The following MYO16 variants were observed in gnomAD, a reference collection of about 807,000 sequenced individuals.
The protein encoded by MYO16 is myosin XVI.
Under a neutral mutation model 205.3 loss-of-function variants are expected in MYO16, and 94 were observed. The observed-to-expected ratio is 0.46, with a 90% CI of 0.39 to 0.54. The LOEUF (loss-of-function observed/expected upper bound fraction) is 0.54, where lower values mean the gene tolerates loss of function less well. Among genes scored for constraint, MYO16 ranks in the 20% least tolerant of loss-of-function variants. The pLI, the probability that MYO16 is intolerant of heterozygous loss-of-function variation, is 0.00. For synonymous variants in MYO16, 988 were observed against 954.0 expected, an observed-to-expected ratio of 1.04 and a Z score of -0.66; for missense variants, 2,315 against 2,387.5, an observed-to-expected ratio of 0.97 and a Z score of 0.63.
the MYO16 span, among the ~76,000 whole-genome samples, chr13:108,516,247 G>C: frequency 6.6e-6 from 1 of 151,502 alleles, no homozygotes; most frequent in African/African-American, 2.4e-5. Context: ...TTCCAGGCGC[G>C]TCCGTCACCC....
chr13:108,544,835 A>C, the MYO16 span, among the ~76,000 whole-genome samples: 2 of 152,162 alleles, frequency 1.3e-5, no homozygotes, highest in African/African-American at 2.4e-5. Flanking sequence ...CACAGTTAAG[A>C]GAGAACATGC....
chr13:108,606,173 G>A lies in MYO16; in HGVS notation c.-39+9934G>A, dbSNP rs149336148. On this transcript the variant is annotated intron_variant, in intron 1 of 24. Transcript: ENST00000251041. ...AAGTTTGGAAAATTTGCAGCCTAAT[G>A]TTGTGATAGAAAAGAAAAATCAATT... Among the ~76,000 whole-genome samples, 380 of 152,318 alleles carry A rather than the reference G, an allele frequency of 2.5e-3. 1 individual carries two copies. Among genetic ancestry groups the A allele is most frequent in the African/African-American group, 8.7e-3 (362 of 41,578 alleles).
chr13:108,682,006 CA>C (rs1260077073), intron 2 of MYO16, among the ~76,000 whole-genome samples: 11 of 152,324 alleles, frequency 7.2e-5, no homozygotes, highest in African/African-American at 2.6e-4. Flanking sequence ...GGCCCCATCA[CA>C]GACCTGCTAA....
chr13:109,112,138 A>G (rs1056197763), intron 28 of MYO16, among the ~76,000 whole-genome samples: 3 of 152,234 alleles, frequency 2.0e-5, no homozygotes, highest in Non-Finnish European at 2.9e-5. Flanking sequence ...AGGAGAGTAT[A>G]CGGGAAGCTA....
chr13:108,938,140 G>A (rs372313345), intron 16 of MYO16, among the ~76,000 whole-genome samples: 6 of 151,962 alleles, frequency 3.9e-5, no homozygotes, highest in East Asian at 1.9e-4. Flanking sequence ...CTCTAGGGGT[G>A]TGACTGTAGA....
chr13:109,188,533 A>G (rs1879779167), intron 34 of MYO16, among the ~76,000 whole-genome samples: 1 of 152,242 alleles, frequency 6.6e-6, no homozygotes, highest in Admixed American at 6.5e-5. Flanking sequence ...TAGATTCTCT[A>G]GAGCGACAGA....
intron 22 of MYO16, among the ~76,000 whole-genome samples, chr13:109,011,495 TTTC>T (rs1294992646): frequency 1.9e-4 from 3 of 15,696 alleles, no homozygotes; most frequent in South Asian, 4.8e-3. Context: ...TTTTTCTTCC[TTTC>T]TTTTTTTTTT....
At chr13:108,819,725 G>C (rs187852485) in intron 7 of MYO16, among the ~76,000 whole-genome samples, 88 of 152,156 alleles carry the variant, frequency 5.8e-4, no homozygotes, top group Admixed American at 1.4e-3. Context: ...TAGAACTTGA[G>C]ACTGCATTTT....
chr13:108,630,718 G>A (rs1204343796), intron 1 of MYO16, among the ~76,000 whole-genome samples: 1 of 152,148 alleles, frequency 6.6e-6, no homozygotes, highest in Non-Finnish European at 1.5e-5. Context: ...AGGTTTTGCT[G>A]CCAAAGGACA....
At chr13:108,904,338 C>T (rs1024566856) in intron 15 of MYO16, among the ~76,000 whole-genome samples, 3 of 152,176 alleles carry the variant, frequency 2.0e-5, no homozygotes, top group Admixed American at 6.6e-5. Flanking sequence ...GTACTATCAT[C>T]ACACAGACAA....
At position 108,897,886 on chromosome 13, in the gene MYO16, A is replaced by G. The variant is rs78932397; in HGVS notation, c.1660-130A>G. Reference sequence around the variant, plus strand: ...AGGAAAAAGGGGTCTTAAAAATTCAATATAGCATTCTATGAGCAGGATAGA... The same window carrying G: ...AGGAAAAAGGGGTCTTAAAAATTCAGTATAGCATTCTATGAGCAGGATAGA... On this transcript the variant is annotated intron_variant, in intron 14 of 34. Transcript: ENST00000457511. 2.4e-3 allele frequency: 1,740 copies of G among 740,116 alleles called. 37 individuals carry two copies. In the East Asian group the frequency reaches 0.041, roughly 17 times the overall value. 45.8% of individuals were successfully genotyped at this position (740,116 alleles called of 1,614,324 possible). A position where few individuals can be genotyped will look rare whatever the true frequency, so the allele number is the denominator to read the frequency against.
intron 27 of MYO16, among the ~76,000 whole-genome samples, chr13:109,062,237 G>C (rs1039777218): frequency 3.3e-5 from 5 of 152,158 alleles, no homozygotes; most frequent in Non-Finnish European, 5.9e-5. Flanking sequence ...ATTTTTATAT[G>C]TATGCAATAG....
intron 4 of MYO16, among the ~76,000 whole-genome samples, chr13:108,737,818 G>A (rs1434113539): frequency 3.3e-5 from 5 of 152,186 alleles, no homozygotes; most frequent in African/African-American, 1.2e-4. Context: ...TTCAGAGCCT[G>A]TTATTGGTCT....
At position 109,081,635 on chromosome 13, in the gene MYO16, G is replaced by A. The variant is rs555508441; in HGVS notation, c.3336-19150G>A. On this transcript the variant is annotated intron_variant, in intron 27 of 34. Transcript: ENST00000457511. ...TGCAAAAGAGGAGCTCCCAGACTTA[G>A]AACTGGACCTGAGCGTAAGGGTAGT... Among the ~76,000 whole-genome samples the A allele has an allele frequency of 6.2e-4, 94 of 152,232 alleles. 2 individuals are homozygous for A. In the South Asian group the frequency reaches 6.2e-3, roughly 10 times the overall value.
intron 27 of MYO16, among the ~76,000 whole-genome samples, chr13:109,088,669 G>T (rs977452325): frequency 1.3e-5 from 2 of 152,246 alleles, no homozygotes; most frequent in African/African-American, 4.8e-5. Context: ...CGGTGCCTGA[G>T]AGGCGGCGGT....
Position 109,010,064 on chromosome 13 carries a change from G to A in MYO16, c.2595+1015G>A, listed in dbSNP as rs533650134. The stretch of plus-strand genomic sequence containing the variant: ...TGCATGGGCCATATTTATATTTCAA[G>A]GATTACCTATTTGTCCCTGGCCCTG... On this transcript the variant is annotated intron_variant, in intron 22 of 34. Transcript: ENST00000457511. Among the ~76,000 whole-genome samples the A allele has an allele frequency of 6.6e-5, 10 of 152,200 alleles. No individual in the cohort carries two copies. The South Asian group carries it at 2.1e-3, about 32-fold the overall frequency.
intron 28 of MYO16, among the ~76,000 whole-genome samples, chr13:109,118,658 G>C (rs939423550): frequency 6.6e-6 from 1 of 152,148 alleles, no homozygotes; most frequent in African/African-American, 2.4e-5. Flanking sequence ...AATCAATGAT[G>C]AACAGAGAGG....
chr13:109,203,167 C>T (rs1012494019), intron 34 of MYO16, among the ~76,000 whole-genome samples: 10 of 152,122 alleles, frequency 6.6e-5, no homozygotes, highest in Non-Finnish European at 1.5e-4. Context: ...AACCCAAGAA[C>T]AAATACAACA....
At chr13:109,085,236 C>G (rs558280888) in intron 27 of MYO16, among the ~76,000 whole-genome samples, 233 of 152,226 alleles carry the variant, frequency 1.5e-3, no homozygotes, top group African/African-American at 5.2e-3. Context: ...TAAGCAAGAC[C>G]ACGCAACAAA....
Sources: gnomAD v4.1 joint callset for allele counts (sites outside exome capture counted in the v4.1 genomes callset) on GRCh38, gnomAD v4.1.1 for gene constraint, MANE v1.5 for transcripts, NCBI Gene and HGNC (gene_info 2026-07-23, HGNC 2026-07-21) for gene names.